SNCAIP: variants seen among roughly 807,000 people sequenced by gnomAD.
SNCAIP encodes synphilin-1.
Under a neutral mutation model 86.7 loss-of-function variants are expected in SNCAIP, and 43 were observed. The observed-to-expected ratio is 0.50, with a 90% CI of 0.39 to 0.64. SNCAIP has a LOEUF of 0.64. Ranked by LOEUF, SNCAIP falls within the 30% of genes least tolerant of loss-of-function variation. The pLI, the probability that SNCAIP is intolerant of heterozygous loss-of-function variation, is 0.00. For synonymous variants in SNCAIP, 417 were observed against 427.2 expected (o/e 0.98, Z 0.29); for missense variants, 981 against 1,103.1 (o/e 0.89, Z 1.57).
At chr5:122,402,058 T>G (rs971443260) in intron 2 of SNCAIP, among the ~76,000 whole-genome samples, 15 of 152,084 alleles carry the variant, frequency 9.9e-5, no homozygotes, top group Non-Finnish European at 2.2e-4. Context: ...CATCTTAAAT[T>G]TCCTCTTTCT....
chr5:122,402,479 A>G (rs2152870851), intron 2 of SNCAIP, among the ~76,000 whole-genome samples: 1 of 152,322 alleles, frequency 6.6e-6, no homozygotes, highest in Admixed American at 6.5e-5. Context: ...TCAGACAGGT[A>G]AGGGTAATTT....
At chr5:122,356,087 TA>T (rs2152754356) in intron 1 of SNCAIP, among the ~76,000 whole-genome samples, 1 of 150,300 alleles carries the variant, frequency 6.7e-6, no homozygotes, top group African/African-American at 2.4e-5. Flanking sequence ...TTGCAAGAGT[TA>T]GCCTTTCTTT....
Position 122,357,721 on chromosome 5 carries a change from T to C in SNCAIP, c.-46-33368T>C, listed in dbSNP as rs371576975. 3.9e-5 allele frequency among the ~76,000 whole-genome samples: 6 copies of C among 152,156 alleles called. No homozygotes were observed. In the South Asian group the frequency reaches 1.0e-3, roughly 26 times the overall value. ...TTAATCCAATGGAACTGTGCTGTTC[T>C]GTAGAATAGCCACTAGCCACATGTG... On this transcript the variant is annotated intron_variant, in intron 1 of 10. Coordinates refer to ENST00000261368, the MANE Select transcript of SNCAIP (RefSeq NM_005460.4).
intron 6 of SNCAIP, among the ~76,000 whole-genome samples, chr5:122,432,641 C>G (rs1432732531): frequency 1.3e-5 from 2 of 152,050 alleles, no homozygotes; most frequent in Non-Finnish European, 2.9e-5. Flanking sequence ...TCAAGGCAGT[C>G]TCACTCAATT....
At chr5:122,393,664 G>C (rs1769934873) in intron 2 of SNCAIP, among the ~76,000 whole-genome samples, 1 of 152,110 alleles carries the variant, frequency 6.6e-6, no homozygotes, top group African/African-American at 2.4e-5. Flanking sequence ...TAAACATCCT[G>C]CAATGCACAG....
chr5:122,351,561 A>AAAAAAAAAAAAAAAAAAAC (rs1759833372), intron 1 of SNCAIP, among the ~76,000 whole-genome samples: 1 of 149,662 alleles, frequency 6.7e-6, no homozygotes, highest in Non-Finnish European at 1.5e-5. Context: ...AAAAAAAAAA[A>AAAAAAAAAAAAAAAAAAAC]AAAAAGAACT....
intron 1 of SNCAIP, among the ~76,000 whole-genome samples, chr5:122,350,821 C>G (rs1759626936): frequency 6.6e-6 from 1 of 152,082 alleles, no homozygotes. Flanking sequence ...ACAGAGAGAT[C>G]AGAGTGTTCA....
At chr5:122,399,293 T>C (rs141961974) in intron 2 of SNCAIP, among the ~76,000 whole-genome samples, 78 of 152,252 alleles carry the variant, frequency 5.1e-4, no homozygotes, top group East Asian at 5.0e-3. Flanking sequence ...TGTTATCTCA[T>C]ATAATTATCT....
intron 5 of SNCAIP, among the ~76,000 whole-genome samples, chr5:122,431,620 G>A (rs373068487): frequency 6.6e-6 from 1 of 152,228 alleles, no homozygotes; most frequent in East Asian, 1.9e-4. Flanking sequence ...TCTTTGTCTT[G>A]AGTGAAGTTA....
intron 10 of SNCAIP, among the ~76,000 whole-genome samples, chr5:122,457,444 C>G (rs185878735): frequency 2.0e-4 from 30 of 152,274 alleles, no homozygotes; most frequent in African/African-American, 7.2e-4. Context: ...TGCCTCTGCT[C>G]CAGAAACCCT....
chr5:122,380,229 G>A (rs1344898687), intron 1 of SNCAIP, among the ~76,000 whole-genome samples: 1 of 152,146 alleles, frequency 6.6e-6, no homozygotes, highest in African/African-American at 2.4e-5. Flanking sequence ...CCTGTTATTG[G>A]TCTATTCAGA....
At chr5:122,403,615 G>T (rs1023933899) in intron 2 of SNCAIP, among the ~76,000 whole-genome samples, 178 bp from the exon 3 acceptor site, 1 of 152,130 alleles carries the variant, frequency 6.6e-6, no homozygotes, top group Non-Finnish European at 1.5e-5. Context: ...GCTGCAGGTA[G>T]ATCTTAGGAT....
intron 2 of SNCAIP, among the ~76,000 whole-genome samples, chr5:122,392,069 T>G (rs970142984): frequency 1.3e-5 from 2 of 152,204 alleles, no homozygotes; most frequent in African/African-American, 4.8e-5. Flanking sequence ...GGGTCACCAC[T>G]CAAAGTCACT....
chr5:122,420,541 C>G (rs1326170432), intron 3 of SNCAIP, among the ~76,000 whole-genome samples: 1 of 151,632 alleles, frequency 6.6e-6, no homozygotes, highest in East Asian at 1.9e-4. Flanking sequence ...TAAATATACT[C>G]AGTAATAAGA....
chr5:122,458,937 T>C (rs972549609), intron 10 of SNCAIP, among the ~76,000 whole-genome samples: 4 of 152,040 alleles, frequency 2.6e-5, no homozygotes, highest in Non-Finnish European at 4.4e-5. Context: ...AGAGACTTCA[T>C]AGATATTTGG....
chr5:122,404,605 A>C (rs1466783302), intron 3 of SNCAIP, among the ~76,000 whole-genome samples: 1 of 152,186 alleles, frequency 6.6e-6, no homozygotes, highest in Non-Finnish European at 1.5e-5. Context: ...TTATTTTTCC[A>C]AGTAATTACT....
At chr5:122,363,661 A>AGT (rs1241830814) in intron 1 of SNCAIP, among the ~76,000 whole-genome samples, 1 of 148,732 alleles carries the variant, frequency 6.7e-6, no homozygotes, top group African/African-American at 2.5e-5. Flanking sequence ...CACCTAGAAC[A>AGT]GTGCTAGACA....
intron 5 of SNCAIP, among the ~76,000 whole-genome samples, chr5:122,431,337 A>G (rs1014529454): frequency 6.6e-6 from 1 of 152,196 alleles, no homozygotes; most frequent in Admixed American, 6.5e-5. Flanking sequence ...CCTAAGTGGA[A>G]ACAATCCACA....
chr5:122,391,144 C>T lies in SNCAIP; in HGVS notation c.10C>T (p.Pro4Ser), dbSNP rs763606466. 6.2e-7 allele frequency: 1 copy of T among 1,610,136 alleles called. No individual in the cohort carries two copies. The highest frequency in any genetic ancestry group is 1.1e-5 in the South Asian group (1 of 90,990). MEA[P>S]EYLDLDEIDF... ...TGTGCAAGGAAGAATAATGGAAGCCCCTGAATACCTTGATTTGGATGAAAT... is the reference window on the plus strand; with the variant it reads ...TGTGCAAGGAAGAATAATGGAAGCCTCTGAATACCTTGATTTGGATGAAAT... The change falls in exon 2 of 11, where the codon CCT becomes TCT. Residue 4 changes from proline to serine, a missense_variant. By Grantham distance (74) the Pro-to-Ser change is moderately conservative (BLOSUM62 -1). Transcript: ENST00000261368.
Sources: gnomAD v4.1 joint callset for allele counts (sites outside exome capture counted in the v4.1 genomes callset) on GRCh38, gnomAD v4.1.1 for gene constraint, MANE v1.5 for transcripts, NCBI Gene and HGNC (gene_info 2026-07-23, HGNC 2026-07-21) for gene names.